The following RAPGEF2 variants were observed in gnomAD, a reference collection of about 807,000 sequenced individuals.
RAPGEF2 encodes the protein Rap guanine nucleotide exchange factor 2.
RAPGEF2 carries 54 observed loss-of-function variants against 186.7 expected under a neutral mutation model. That is an observed-to-expected ratio of 0.29 (90% confidence interval 0.23 to 0.36). The LOEUF (loss-of-function observed/expected upper bound fraction) is 0.36. RAPGEF2 is among the 10% of genes least tolerant of loss of function. The probability of loss-of-function intolerance (pLI) is 1.00; values close to 1 mark genes in which losing one functional copy is unlikely to be tolerated. For missense variants in RAPGEF2, 1,532 were observed against 2,045.0 expected (o/e 0.75, Z 4.84); for synonymous variants, 712 against 705.9 (o/e 1.01, Z -0.14).
At position 159,323,496 on chromosome 4, in the gene RAPGEF2, A is replaced by G. The variant is rs1168257331; in HGVS notation, c.1028A>G (p.Glu343Gly). ...SWSVILNGSVEVTYPDGKAEI... is the reference protein window; with the variant it reads ...SWSVILNGSVGVTYPDGKAEI... ...TCAGTGATTCTCAATGGATCTGTGG[A>G]AGTGACTTATCCAGATGGAAAAGCA... Residue 343 changes from glutamate to glycine, a missense_variant, in exon 11 of 30, where the codon GAA becomes GGA. Physicochemically the swap from Glu to Gly is moderately conservative, Grantham distance 98. This residue lies in a region of RAPGEF2 where 810 missense variants were observed against 1,210.5 expected (regional missense o/e 0.67). Transcript: ENST00000691494. The G allele has an allele frequency of 6.2e-7, 1 of 1,611,684 alleles. No individual in the cohort carries two copies. Among genetic ancestry groups the G allele is most frequent in the African/African-American group, 1.3e-5 (1 of 74,718 alleles).
At chr4:159,240,748 C>T (rs1753883978) in intron 5 of RAPGEF2, among the ~76,000 whole-genome samples, 1 of 150,182 alleles carries the variant, frequency 6.7e-6, no homozygotes. Context: ...CAAAGCCATT[C>T]TGTTAGCACT....
intron 1 of RAPGEF2, among the ~76,000 whole-genome samples, chr4:159,176,509 T>G (rs1190500572): frequency 6.6e-6 from 1 of 152,192 alleles, no homozygotes; most frequent in African/African-American, 2.4e-5. Flanking sequence ...TTAAAAAGGT[T>G]TAACCTGACA....
chr4:159,279,629 G>A (rs868391986), intron 7 of RAPGEF2, among the ~76,000 whole-genome samples: 6 of 151,894 alleles, frequency 4.0e-5, no homozygotes, highest in African/African-American at 1.5e-4. Context: ...ATACAATTTT[G>A]TTTTGAAGAA....
intron 1 of RAPGEF2, among the ~76,000 whole-genome samples, chr4:159,114,543 T>C (rs1380980577): frequency 6.6e-6 from 1 of 152,216 alleles, no homozygotes; most frequent in East Asian, 1.9e-4. Flanking sequence ...GGCCAGAATT[T>C]TAACAATTTA....
chr4:159,154,065 G>A (rs1743850816), intron 1 of RAPGEF2, among the ~76,000 whole-genome samples: 1 of 152,098 alleles, frequency 6.6e-6, no homozygotes, highest in Non-Finnish European at 1.5e-5. Flanking sequence ...TTAGGCTTTG[G>A]TTTCCTTATA....
chr4:159,294,123 T>C (rs1376040298), intron 7 of RAPGEF2, among the ~76,000 whole-genome samples: 1 of 152,224 alleles, frequency 6.6e-6, no homozygotes, highest in Non-Finnish European at 1.5e-5. Flanking sequence ...TTATAACTTT[T>C]AAAGAGTTAA....
intron 1 of RAPGEF2, among the ~76,000 whole-genome samples, chr4:159,136,099 T>G (rs887484300): frequency 6.6e-6 from 1 of 152,212 alleles, no homozygotes; most frequent in Non-Finnish European, 1.5e-5. Flanking sequence ...TCCACTAATG[T>G]TTTCTTTTTC....
At chr4:159,175,377 G>T (rs1340759237) in intron 1 of RAPGEF2, among the ~76,000 whole-genome samples, 3 of 151,948 alleles carry the variant, frequency 2.0e-5, no homozygotes, top group African/African-American at 7.3e-5. Context: ...GTAACTCTGG[G>T]GTATGAGTCA....
Position 159,350,300 on chromosome 4 carries a change from A to G in RAPGEF2, c.3865+11A>G, listed in dbSNP as rs773264567. The stretch of plus-strand genomic sequence containing the variant: ...GTTCTCCAAGGAAAGGTAGAATTAA[A>G]TTACTTTTTGTTTTCTTGTATTGAA... On this transcript the variant is annotated intron_variant, in intron 26 of 29. Coordinates refer to ENST00000691494, the MANE Select transcript of RAPGEF2 (RefSeq NM_001394067.2). The G allele has an allele frequency of 1.3e-6, 2 of 1,535,284 alleles. No homozygotes were observed. The highest frequency in any genetic ancestry group is 2.3e-5 in the East Asian group (1 of 42,950).
intron 1 of RAPGEF2, among the ~76,000 whole-genome samples, chr4:159,179,896 C>T (rs1746830920): frequency 3.9e-5 from 6 of 152,138 alleles, no homozygotes. Flanking sequence ...TATGGAAGTA[C>T]AAATGCCGAC....
chr4:159,291,178 T>C (rs1256354542), intron 7 of RAPGEF2, among the ~76,000 whole-genome samples: 1 of 152,210 alleles, frequency 6.6e-6, no homozygotes, highest in Admixed American at 6.5e-5. Context: ...TGGTGGTTGT[T>C]GCATAAAATC....
chr4:159,129,013 T>A (rs1446043865), intron 1 of RAPGEF2: 1 of 149,562 alleles, frequency 6.7e-6, no homozygotes, highest in Non-Finnish European at 1.5e-5. Context: ...AAGAAAAGAT[T>A]TGTAATTGTA....
intron 1 of RAPGEF2, among the ~76,000 whole-genome samples, chr4:159,150,483 A>G (rs1035296412): frequency 6.6e-6 from 1 of 152,176 alleles, no homozygotes; most frequent in Non-Finnish European, 1.5e-5. Flanking sequence ...TAGGGAACAC[A>G]AGACAGCACT....
Position 159,359,358 on chromosome 4 carries a change from T to C in RAPGEF2, c.*1219T>C, listed in dbSNP as rs951999539. Reference sequence around the variant, plus strand: ...ACATGCCAGCCTTTGCAAGGCAGGTTAGTCACCAAAGACTAACCTCCAAGT... The same window carrying C: ...ACATGCCAGCCTTTGCAAGGCAGGTCAGTCACCAAAGACTAACCTCCAAGT... On this transcript the variant is annotated 3_prime_UTR_variant, in exon 30 of 30. Coordinates refer to ENST00000691494, the MANE Select transcript of RAPGEF2 (RefSeq NM_001394067.2). 15 of 152,148 alleles carry C rather than the reference T, an allele frequency of 9.9e-5. No individual in the cohort carries two copies. Among genetic ancestry groups the C allele is most frequent in the Non-Finnish European group, 2.9e-5 (2 of 68,022 alleles). 9.4% of individuals were successfully genotyped at this position (152,148 alleles called of 1,614,324 possible).
At chr4:159,127,766 G>A (rs944201213) in intron 1 of RAPGEF2, among the ~76,000 whole-genome samples, 4 of 152,188 alleles carry the variant, frequency 2.6e-5, no homozygotes, top group African/African-American at 9.7e-5. Flanking sequence ...GGGGTATATA[G>A]CTCAGTTTGG....
At chr4:159,197,223 A>T (rs967249812) in intron 3 of RAPGEF2, among the ~76,000 whole-genome samples, 1 of 152,224 alleles carries the variant, frequency 6.6e-6, no homozygotes, top group Non-Finnish European at 1.5e-5. Flanking sequence ...AGAAGTTGGG[A>T]ATTTGTTCTC....
At chr4:159,329,809 TC>T in intron 11 of RAPGEF2, 48 bp from the exon 12 acceptor site, 1 of 1,520,032 alleles carries the variant, frequency 6.6e-7, no homozygotes, top group Non-Finnish European at 9.0e-7. Flanking sequence ...TACTGCTAGG[TC>T]TTTTGCAAGC....
At chr4:159,340,410 C>G (rs1409744252) in intron 19 of RAPGEF2, among the ~76,000 whole-genome samples, 1 of 152,076 alleles carries the variant, frequency 6.6e-6, no homozygotes, top group Non-Finnish European at 1.5e-5. Flanking sequence ...TCATGATTCA[C>G]ATTCATTATT....
At chr4:159,153,941 AAAG>A (rs1227918700) in intron 1 of RAPGEF2, among the ~76,000 whole-genome samples, 1 of 152,184 alleles carries the variant, frequency 6.6e-6, no homozygotes. Flanking sequence ...TGAGTAAACA[AAAG>A]AAGGGCCCGT....
Sources: gnomAD v4.1 joint callset for allele counts (sites outside exome capture counted in the v4.1 genomes callset) on GRCh38, gnomAD v4.1.1 for gene constraint, gnomAD v4.1.1 regional missense constraint, MANE v1.5 for transcripts, NCBI Gene and HGNC (gene_info 2026-07-23, HGNC 2026-07-21) for gene names.